EPB41L5: variants seen among roughly 807,000 people sequenced by gnomAD.
The protein encoded by EPB41L5 is erythrocyte membrane protein band 4.1 like 5.
Under a neutral mutation model 106.6 loss-of-function variants are expected in EPB41L5, and 55 were observed. That is an observed-to-expected ratio of 0.52 (90% CI 0.42 to 0.65). The LOEUF (loss-of-function observed/expected upper bound fraction) is 0.65. Among genes scored for constraint, EPB41L5 ranks in the 30% least tolerant of loss-of-function variants. The probability of loss-of-function intolerance (pLI) is 0.00; values close to 1 mark genes in which losing one functional copy is unlikely to be tolerated. For missense variants in EPB41L5, 871 were observed against 882.1 expected, an observed-to-expected ratio of 0.99 and a Z score of 0.16; for synonymous variants, 297 against 306.7, an observed-to-expected ratio of 0.97 and a Z score of 0.33.
rs190198523 is a variant in EPB41L5, at chr2:120,150,353, G to C, written c.1793+4064G>C. Reference sequence around the variant, plus strand: ...TTTCTTATTTTTTAGAGACATTATTGCTCAATCACCCAGGCTGGAATGCAG... The same window carrying C: ...TTTCTTATTTTTTAGAGACATTATTCCTCAATCACCCAGGCTGGAATGCAG... On this transcript the variant is annotated intron_variant, in intron 20 of 24. Coordinates refer to ENST00000263713, the MANE Select transcript of EPB41L5 (RefSeq NM_020909.4). Among the ~76,000 whole-genome samples, 7 of 151,600 alleles carry C rather than the reference G, an allele frequency of 4.6e-5. No homozygotes were observed. In the East Asian group the frequency reaches 1.4e-3, roughly 29 times the overall value.
intron 18 of EPB41L5, among the ~76,000 whole-genome samples, chr2:120,133,746 G>A (rs981923239): frequency 3.9e-5 from 6 of 152,118 alleles, no homozygotes; most frequent in Admixed American, 1.3e-4. Context: ...GTGGACCTGG[G>A]GTACACATGA....
chr2:120,129,102 A>G (rs1015123053), intron 17 of EPB41L5, among the ~76,000 whole-genome samples: 5 of 152,142 alleles, frequency 3.3e-5, no homozygotes, highest in Admixed American at 2.6e-4. Context: ...GGGAGATGAG[A>G]TCAGTAGAAG....
intron 3 of EPB41L5, among the ~76,000 whole-genome samples, chr2:120,068,077 A>T (rs571347392): frequency 1.3e-3 from 196 of 152,260 alleles, no homozygotes; most frequent in Non-Finnish European, 2.3e-3. Context: ...CAACTGAGGT[A>T]CCCAGCTCAT....
At chr2:120,120,604 A>C (rs1394640452) in intron 16 of EPB41L5, among the ~76,000 whole-genome samples, 1 of 151,874 alleles carries the variant, frequency 6.6e-6, no homozygotes, top group Non-Finnish European at 1.5e-5. Context: ...TTTAAAAAAA[A>C]CCTCTCATTA....
chr2:120,142,541 G>A (rs1249730183), intron 18 of EPB41L5, among the ~76,000 whole-genome samples: 2 of 152,086 alleles, frequency 1.3e-5, no homozygotes, highest in Non-Finnish European at 2.9e-5. Context: ...TGAAAAGTAG[G>A]GCATGAAGTC....
At chr2:120,163,269 C>G (rs1470738790) in intron 21 of EPB41L5, among the ~76,000 whole-genome samples, 6 of 140,884 alleles carry the variant, frequency 4.3e-5, no homozygotes, top group Admixed American at 2.8e-4. Context: ...CCCCCCCCCC[C>G]CCCAAAAAAA....
At chr2:120,087,057 C>T (rs566154672) in intron 10 of EPB41L5, 114 bp from the exon 11 acceptor site, 60 of 603,422 alleles carry the variant, frequency 9.9e-5, no homozygotes, top group Non-Finnish European at 1.5e-4. Context: ...ACCGTCCTGT[C>T]AATTTTTAGT....
chr2:120,040,194 C>T (rs1402027263), intron 2 of EPB41L5, among the ~76,000 whole-genome samples: 5 of 151,756 alleles, frequency 3.3e-5, no homozygotes, highest in African/African-American at 4.8e-5. Context: ...TAGAGGTTGA[C>T]GTCTAGAATT....
chr2:120,165,361 G>A (rs964230334), intron 22 of EPB41L5, among the ~76,000 whole-genome samples: 8 of 152,106 alleles, frequency 5.3e-5, no homozygotes, highest in African/African-American at 1.9e-4. Context: ...CAAAATCCAT[G>A]CATGCTTAAA....
intron 12 of EPB41L5, among the ~76,000 whole-genome samples, chr2:120,090,976 GT>G (rs1262889929): frequency 6.6e-6 from 1 of 152,144 alleles, no homozygotes; most frequent in Non-Finnish European, 1.5e-5. Flanking sequence ...TGGATTATTG[GT>G]TGTGAGTTTT....
At chr2:120,059,919 A>G (rs1171183363) in intron 3 of EPB41L5, among the ~76,000 whole-genome samples, 1 of 152,160 alleles carries the variant, frequency 6.6e-6, no homozygotes, top group African/African-American at 2.4e-5. Flanking sequence ...CAGCTCAACA[A>G]TTAGAAAGCA....
At chr2:120,030,963 G>C (rs1422204609) in intron 2 of EPB41L5, among the ~76,000 whole-genome samples, 2 of 151,878 alleles carry the variant, frequency 1.3e-5, no homozygotes, top group African/African-American at 2.4e-5. Context: ...TGCAGCCTCT[G>C]CCTCCCGGGT....
At chr2:120,027,325 T>G (rs1678395744) in intron 2 of EPB41L5, among the ~76,000 whole-genome samples, 2 of 152,232 alleles carry the variant, frequency 1.3e-5, no homozygotes, top group Non-Finnish European at 2.9e-5. Context: ...AAATAAAACC[T>G]GTAATATCCA....
intron 2 of EPB41L5, among the ~76,000 whole-genome samples, chr2:120,032,746 C>T (rs536888063): frequency 2.0e-5 from 3 of 152,246 alleles, no homozygotes; most frequent in South Asian, 2.1e-4. Context: ...GCCTTTAATA[C>T]GTGAGGCAGA....
chr2:120,037,963 C>T (rs1679149424), intron 2 of EPB41L5, among the ~76,000 whole-genome samples: 1 of 152,168 alleles, frequency 6.6e-6, no homozygotes, highest in African/African-American at 2.4e-5. Context: ...AAAAAATCTT[C>T]ATGACATTAG....
intron 18 of EPB41L5, among the ~76,000 whole-genome samples, chr2:120,142,739 A>G (rs967884898): frequency 6.6e-6 from 1 of 152,190 alleles, no homozygotes; most frequent in African/African-American, 2.4e-5. Flanking sequence ...CTGTGTTTAT[A>G]CAACAGGTGG....
intron 14 of EPB41L5, among the ~76,000 whole-genome samples, chr2:120,099,346 T>TG (rs1683989882): frequency 1.4e-5 from 2 of 147,044 alleles, no homozygotes; most frequent in South Asian, 4.3e-4. Context: ...GTTTCTGGGT[T>TG]TTTTTTTTTG....
At chr2:120,015,371 C>T (rs1677447625) in intron 1 of EPB41L5, among the ~76,000 whole-genome samples, 1 of 151,652 alleles carries the variant, frequency 6.6e-6, no homozygotes, top group Non-Finnish European at 1.5e-5. Flanking sequence ...CCAGGCAGGT[C>T]TTGAACTCCT....
chr2:120,100,739 T>C lies in EPB41L5; in HGVS notation c.1262T>C (p.Ile421Thr), dbSNP rs1684092511. The change falls in exon 16 of 25, where the codon ATT (isoleucine) becomes ACT (threonine). Residue 421 changes from isoleucine to threonine, a missense_variant. Transcript: ENST00000263713. ...MRSALPVSPS[I>T]SSAPVPVEIE... ...TCTGCTCTGCCTGTGAGTCCTTCCA[T>C]TTCCTCTGCTCCTGTGCCAGTGGAG... is the stretch of plus-strand genomic sequence containing the variant. 2 of 1,613,964 alleles carry C rather than the reference T, an allele frequency of 1.2e-6. No homozygotes were observed. The highest frequency in any genetic ancestry group is 1.3e-5 in the African/African-American group (1 of 75,042).
Sources: gnomAD v4.1 joint callset for allele counts (sites outside exome capture counted in the v4.1 genomes callset) on GRCh38, gnomAD v4.1.1 for gene constraint, MANE v1.5 for transcripts, NCBI Gene and HGNC (gene_info 2026-07-23, HGNC 2026-07-21) for gene names.